The following PTPN13 variants were observed in gnomAD, a reference collection of about 807,000 sequenced individuals.
PTPN13 encodes the protein protein tyrosine phosphatase non-receptor type 13.
Under a neutral mutation model 284.0 loss-of-function variants are expected in PTPN13, and 191 were observed. That is an observed-to-expected ratio of 0.67 (90% CI 0.60 to 0.76). The LOEUF is 0.76. Among genes scored for constraint, PTPN13 ranks in the 30% least tolerant of loss-of-function variants. The pLI is 0.00. For synonymous variants in PTPN13, 986 were observed against 1,022.3 expected (o/e 0.96, Z 0.68); for missense variants, 2,797 against 2,939.9 (o/e 0.95, Z 1.12).
chr4:86,664,264 A>C (rs543062508), intron 2 of PTPN13, among the ~76,000 whole-genome samples: 105 of 152,302 alleles, frequency 6.9e-4, no homozygotes, highest in African/African-American at 2.5e-3. Context: ...CTTATCTTAA[A>C]TCATACTTGA....
At chr4:86,771,101 T>A (rs2149273410) in intron 30 of PTPN13, 70 bp from the exon 31 acceptor site, 1 of 1,457,400 alleles carries the variant, frequency 6.9e-7, no homozygotes, top group South Asian at 1.5e-5. Context: ...TGTTCAATGG[T>A]TTATTTTCAA....
intron 10 of PTPN13, among the ~76,000 whole-genome samples, chr4:86,724,936 T>C (rs1488895085): frequency 1.3e-5 from 2 of 152,042 alleles, no homozygotes; most frequent in East Asian, 3.9e-4. Flanking sequence ...TCATTTACAT[T>C]AGGTGTTTCT....
At position 86,750,553 on chromosome 4, in the gene PTPN13, C is replaced by G. The variant is rs1367406710; in HGVS notation, c.2734C>G (p.Leu912Val). 1.1e-5 allele frequency: 18 copies of G among 1,613,984 alleles called. No homozygotes were observed. The highest frequency in any genetic ancestry group is 9.3e-6 in the Non-Finnish European group (11 of 1,179,876). The change falls in exon 18 of 48, where the codon CTG (leucine) becomes GTG (valine). Residue 912 changes from leucine to valine, a missense_variant. Leu to Val is a conservative substitution (Grantham distance 32, BLOSUM62 1). Coordinates refer to ENST00000411767, the MANE Select transcript of PTPN13 (RefSeq NM_080683.3). ...GGGACGAGCAATCAGCACTGGCAGT[C>G]TGGCCAGCAGCACCCTCAACAAACT... Reference protein sequence around the residue: ...NMGRAISTGSLASSTLNKLAV... With the variant: ...NMGRAISTGSVASSTLNKLAV...
At chr4:86,641,453 T>C (rs1258186045) in intron 2 of PTPN13, among the ~76,000 whole-genome samples, 2 of 152,194 alleles carry the variant, frequency 1.3e-5, no homozygotes, top group Non-Finnish European at 2.9e-5. Context: ...ACTGGGGTAT[T>C]ATTGAACAAA....
In PTPN13 at chr4:86,728,938, G is replaced by A. The variant is rs911754402; in HGVS notation, c.1609-3462G>A. On this transcript the variant is annotated intron_variant, in intron 10 of 47. Coordinates refer to ENST00000411767, the MANE Select transcript of PTPN13 (RefSeq NM_080683.3). ...ATTGAGGCAGTTTCTTCCTAGCATC[G>A]ATGGTCTTTACAATTTGGCATGTTT... Among the ~76,000 whole-genome samples the A allele has an allele frequency of 4.0e-5, 6 of 148,390 alleles. No individual in the cohort carries two copies. The East Asian group carries it at 5.8e-4, about 14-fold the overall frequency.
At chr4:86,630,227 A>T (rs1018549248) in intron 1 of PTPN13, among the ~76,000 whole-genome samples, 2 of 152,186 alleles carry the variant, frequency 1.3e-5, no homozygotes, top group African/African-American at 4.8e-5. Context: ...GCCAATTTTT[A>T]AAGTATTTCT....
At position 86,701,252 on chromosome 4, in the gene PTPN13, A is replaced by G; in HGVS notation, c.646A>G (p.Thr216Ala). 1 of 1,559,988 alleles carries G rather than the reference A, an allele frequency of 6.4e-7. No individual in the cohort carries two copies. Among genetic ancestry groups the G allele is most frequent in the African/African-American group, 1.4e-5 (1 of 72,520 alleles). Residue 216 changes from threonine (T) to alanine (A), a missense_variant, in exon 7 of 48, where the codon ACT becomes GCT. Transcript: ENST00000411767. Reference sequence around the variant, plus strand: ...TCTTATCATTCCAGGAAGAAGCTCTACTTCTGATGTACTAGACATACAAAA... The same window carrying G: ...TCTTATCATTCCAGGAAGAAGCTCTGCTTCTGATGTACTAGACATACAAAA... ...GKGLPTGRSS[T>A]SDVLDIQKPP...
intron 33 of PTPN13, 66 bp downstream of exon 33, chr4:86,774,597 G>A (rs1309978607): frequency 1.4e-6 from 2 of 1,430,328 alleles, no homozygotes. Context: ...AGAAAAAGAA[G>A]ATTGAATTAT....
intron 10 of PTPN13, among the ~76,000 whole-genome samples, chr4:86,725,757 A>C (rs1578505630): frequency 6.7e-6 from 1 of 149,540 alleles, no homozygotes; most frequent in Non-Finnish European, 1.5e-5. Context: ...ATTTTCTCCC[A>C]TTCTGTAGGT....
At chr4:86,647,031 A>G (rs1487062492) in intron 2 of PTPN13, among the ~76,000 whole-genome samples, 8 of 152,218 alleles carry the variant, frequency 5.3e-5, no homozygotes, top group Non-Finnish European at 1.5e-5. Flanking sequence ...GTAGTGAGTG[A>G]CAAAGCAGAT....
chr4:86,651,220 T>C (rs1461688467), intron 2 of PTPN13, among the ~76,000 whole-genome samples: 2 of 152,248 alleles, frequency 1.3e-5, no homozygotes, highest in Non-Finnish European at 2.9e-5. Flanking sequence ...TACCATTGAT[T>C]GATTTGCCCA....
chr4:86,775,114 T>G, intron 33 of PTPN13, 57 bp from the exon 34 acceptor site: 1 of 1,322,698 alleles, frequency 7.6e-7, no homozygotes, highest in Non-Finnish European at 1.0e-6. Flanking sequence ...TCTTGGCAAT[T>G]TAGCTTCTCT....
intron 2 of PTPN13, among the ~76,000 whole-genome samples, chr4:86,636,352 T>A (rs895993975): frequency 6.6e-6 from 1 of 152,156 alleles, no homozygotes; most frequent in African/African-American, 2.4e-5. Context: ...CAAAAACATT[T>A]GATATCATGC....
At chr4:86,597,167 T>C (rs1193699446) in intron 1 of PTPN13, among the ~76,000 whole-genome samples, 4 of 93,338 alleles carry the variant, frequency 4.3e-5, no homozygotes, top group Non-Finnish European at 9.5e-5. Context: ...CTGGGCTTCC[T>C]TTTTTTTTTT....
intron 2 of PTPN13, among the ~76,000 whole-genome samples, chr4:86,665,773 C>CTATT (rs1303029054): frequency 6.6e-6 from 1 of 152,024 alleles, no homozygotes; most frequent in Non-Finnish European, 1.5e-5. Flanking sequence ...AGAATTAGAT[C>CTATT]TATTATTCTG....
intron 19 of PTPN13, among the ~76,000 whole-genome samples, chr4:86,752,744 A>G (rs560702985): frequency 6.6e-6 from 1 of 152,278 alleles, no homozygotes; most frequent in South Asian, 2.1e-4. Context: ...AACTCATTCC[A>G]GTTTCATCAT....
intron 1 of PTPN13, among the ~76,000 whole-genome samples, chr4:86,603,234 A>T (rs1565121927): frequency 8.5e-5 from 13 of 152,222 alleles, no homozygotes. Context: ...ATATCTAAAC[A>T]TAATTAGAAA....
chr4:86,811,952 C>T (rs998694361), intron 47 of PTPN13, among the ~76,000 whole-genome samples: 2 of 152,150 alleles, frequency 1.3e-5, no homozygotes, highest in Admixed American at 1.3e-4. Context: ...GCACTTTACA[C>T]CTAGAAAGTT....
chr4:86,738,529 AAAACTT>A, intron 15 of PTPN13, among the ~76,000 whole-genome samples: 1 of 152,338 alleles, frequency 6.6e-6, no homozygotes, highest in South Asian at 2.1e-4. Context: ...TGTGTCAAAT[AAAACTT>A]TTTACCCCCT....
Sources: allele counts gnomAD v4.1 joint callset (sites outside exome capture counted in the v4.1 genomes callset), GRCh38; gene constraint gnomAD v4.1.1; transcripts MANE v1.5; gene names NCBI Gene and HGNC (gene_info 2026-07-23, HGNC 2026-07-21).